LTBP1: variants seen among roughly 807,000 people sequenced by gnomAD.
LTBP1 encodes the protein latent transforming growth factor beta binding protein 1, also known as latent-transforming growth factor beta-binding protein 1.
LTBP1 carries 129 observed loss-of-function variants against 207.6 expected under a neutral mutation model. That is an observed-to-expected ratio of 0.62 (90% CI 0.54 to 0.72). The LOEUF (loss-of-function observed/expected upper bound fraction) is 0.72, where lower values mean the gene tolerates loss of function less well. Among genes scored for constraint, LTBP1 ranks in the 30% least tolerant of loss-of-function variants. LTBP1 has a pLI of 0.00. For synonymous variants in LTBP1, 963 were observed against 833.7 expected (o/e 1.16, Z -2.67); for missense variants, 2,281 against 2,217.2 (o/e 1.03, Z -0.58).
At chr2:33,063,804 GAGATTTCTGA>G (rs770790360) in intron 3 of LTBP1, among the ~76,000 whole-genome samples, 95 of 151,796 alleles carry the variant, frequency 6.3e-4, no homozygotes, top group Admixed American at 2.4e-3. Context: ...TTTCAGTATA[GAGATTTCTGA>G]AGATGTTTTG....
intron 4 of LTBP1, among the ~76,000 whole-genome samples, chr2:33,113,745 G>A (rs961858792): frequency 2.0e-5 from 3 of 152,076 alleles, no homozygotes; most frequent in Non-Finnish European, 4.4e-5. Context: ...CATCCGTGTT[G>A]TAGCATGTAT....
chr2:33,389,140 G>C (rs549636839), intron 31 of LTBP1, 44 bp from the exon 32 acceptor site: 3 of 1,612,594 alleles, frequency 1.9e-6, no homozygotes, highest in Admixed American at 1.7e-5. Context: ...GGGCAGGTGC[G>C]AGCTAACAGT....
chr2:33,070,160 A>T (rs2077719420), intron 3 of LTBP1, among the ~76,000 whole-genome samples: 1 of 152,174 alleles, frequency 6.6e-6, no homozygotes, highest in Non-Finnish European at 1.5e-5. Flanking sequence ...AGGTGTTGGT[A>T]TTTGGTGGAT....
intron 19 of LTBP1, among the ~76,000 whole-genome samples, chr2:33,284,481 T>C (rs1412894860): frequency 6.6e-6 from 1 of 152,194 alleles, no homozygotes; most frequent in African/African-American, 2.4e-5. Flanking sequence ...CGGCACTGTA[T>C]TCCTTGGACC....
intron 19 of LTBP1, among the ~76,000 whole-genome samples, chr2:33,282,136 T>C (rs2093571207): frequency 6.6e-6 from 1 of 151,696 alleles, no homozygotes; most frequent in South Asian, 2.1e-4. Flanking sequence ...CTAATTTTAC[T>C]TTGTCAACCA....
chr2:33,196,883 G>A (rs1192638984), intron 7 of LTBP1, among the ~76,000 whole-genome samples: 2 of 152,194 alleles, frequency 1.3e-5, no homozygotes, highest in African/African-American at 4.8e-5. Context: ...TCAGTGAATA[G>A]ATTTGCTGAT....
At chr2:33,018,803 C>G (rs1378800388) in intron 2 of LTBP1, among the ~76,000 whole-genome samples, 1 of 152,178 alleles carries the variant, frequency 6.6e-6, no homozygotes, top group African/African-American at 2.4e-5. Flanking sequence ...AACCCCCAAA[C>G]ACACACAAGT....
At chr2:33,087,084 CTTT>C (rs35334788) in intron 3 of LTBP1, among the ~76,000 whole-genome samples, 7 of 88,984 alleles carry the variant, frequency 7.9e-5, no homozygotes, top group East Asian at 5.6e-4. Context: ...CTCCTTTATG[CTTT>C]TTTTTTTTTT....
Position 33,013,355 on chromosome 2 carries a change from A to G in LTBP1, c.566-7554A>G, listed in dbSNP as rs543180535. Among the ~76,000 whole-genome samples the G allele has an allele frequency of 4.0e-5, 6 of 151,408 alleles. No individual in the cohort carries two copies. In the East Asian group the frequency reaches 1.2e-3, roughly 29 times the overall value. On this transcript the variant is annotated intron_variant, in intron 2 of 33. Transcript: ENST00000404816. ...CCCTATAAGTTTCTTTACTAATTTC[A>G]TTTCCCTCTGTCTAAATTATCTATT...
At chr2:33,340,544 G>A (rs1162840331) in intron 24 of LTBP1, among the ~76,000 whole-genome samples, 2 of 152,164 alleles carry the variant, frequency 1.3e-5, no homozygotes, top group Non-Finnish European at 2.9e-5. Context: ...AGCCAGACTC[G>A]GAGGTCAGGG....
chr2:32,971,104 G>A (rs1309223441), intron 2 of LTBP1, among the ~76,000 whole-genome samples: 2 of 150,806 alleles, frequency 1.3e-5, no homozygotes, highest in Non-Finnish European at 1.5e-5. Flanking sequence ...GGATGTTGTT[G>A]GTGTATAGAA....
intron 30 of LTBP1, 100 bp from the exon 31 acceptor site, chr2:33,365,233 G>T: frequency 9.7e-7 from 1 of 1,027,894 alleles, no homozygotes. Flanking sequence ...GTCACTCTTA[G>T]AAATAGAGAT....
chr2:33,043,129 A>G (rs1373570925), intron 3 of LTBP1, among the ~76,000 whole-genome samples: 2 of 152,172 alleles, frequency 1.3e-5, no homozygotes, highest in Non-Finnish European at 2.9e-5. Context: ...TGGCAAATTC[A>G]CTACAGTGAT....
intron 3 of LTBP1, among the ~76,000 whole-genome samples, chr2:33,038,778 A>G (rs2076045603): frequency 6.6e-6 from 1 of 152,246 alleles, no homozygotes; most frequent in African/African-American, 2.4e-5. Flanking sequence ...GAGTCTTTGG[A>G]AAGACTCAGA....
rs144109620 is a variant in LTBP1, at chr2:33,126,166, C to T, written c.1034-8627C>T. 2.8e-4 allele frequency among the ~76,000 whole-genome samples: 42 copies of T among 152,142 alleles called. 1 individual carries two copies. In the East Asian group the frequency reaches 5.8e-3, roughly 21 times the overall value. ...TGAGTGATCCAACAGAGACAGACCACGACAGAAGCCACAGTGTCTTTTATG... is the reference window on the plus strand; with the variant it reads ...TGAGTGATCCAACAGAGACAGACCATGACAGAAGCCACAGTGTCTTTTATG... On this transcript the variant is annotated intron_variant, in intron 4 of 33. Coordinates refer to ENST00000404816, the MANE Select transcript of LTBP1 (RefSeq NM_206943.4).
chr2:33,145,390 T>C (rs72793783), intron 5 of LTBP1, among the ~76,000 whole-genome samples: 23,538 of 152,164 alleles, frequency 0.15, 2,471 homozygotes, highest in Non-Finnish European at 0.23. Flanking sequence ...TTTCCTAGTG[T>C]AGAGATTCAG....
intron 31 of LTBP1, among the ~76,000 whole-genome samples, chr2:33,371,602 C>G (rs59136259): frequency 0.13 from 20,125 of 152,180 alleles, 2,453 homozygotes; most frequent in African/African-American, 0.31. Context: ...CCTTTGGTTG[C>G]ATATGGAGTT....
intron 26 of LTBP1, among the ~76,000 whole-genome samples, chr2:33,358,150 C>T (rs1198062761): frequency 6.6e-6 from 1 of 152,046 alleles, no homozygotes; most frequent in Non-Finnish European, 1.5e-5. Flanking sequence ...AAGATGAGGG[C>T]TTGACTAACC....
intron 9 of LTBP1, among the ~76,000 whole-genome samples, chr2:33,227,972 T>C (rs559064430): frequency 6.6e-6 from 1 of 152,030 alleles, no homozygotes; most frequent in East Asian, 1.9e-4. Context: ...GCCTGGCTAC[T>C]TTTTTTATAT....
Sources: gnomAD v4.1 joint callset for allele counts (sites outside exome capture counted in the v4.1 genomes callset) on GRCh38, gnomAD v4.1.1 for gene constraint, MANE v1.5 for transcripts, NCBI Gene and HGNC (gene_info 2026-07-23, HGNC 2026-07-21) for gene names.